TEAD1: variants seen among roughly 807,000 people sequenced by gnomAD.
TEAD1 encodes TEA domain transcription factor 1.
In TEAD1, 9 loss-of-function variants were observed where a neutral mutation model predicts 54.9. The ratio of observed to expected loss-of-function variants is 0.16; its 90% CI spans 0.10 to 0.29. The LOEUF (loss-of-function observed/expected upper bound fraction) is 0.29, where lower values mean the gene tolerates loss of function less well. TEAD1 is among the 10% of genes least tolerant of loss of function. The pLI, the probability that TEAD1 is intolerant of heterozygous loss-of-function variation, is 1.00. For synonymous variants in TEAD1, 200 were observed against 187.8 expected (o/e 1.07, Z -0.53); for missense variants, 387 against 535.9 (o/e 0.72, Z 2.74).
At chr11:12,873,601 G>A (rs1453661783) in intron 5 of TEAD1, among the ~76,000 whole-genome samples, 1 of 152,182 alleles carries the variant, frequency 6.6e-6, no homozygotes, top group Non-Finnish European at 1.5e-5. Flanking sequence ...GTCAGGAGAA[G>A]CATGAATGTG....
At chr11:12,886,664 AT>A (rs570808378) in intron 9 of TEAD1, among the ~76,000 whole-genome samples, 718 of 141,762 alleles carry the variant, frequency 5.1e-3, no homozygotes, top group Middle Eastern at 7.2e-3. Context: ...GTCACAACTG[AT>A]TTTTTTTTTT....
intron 9 of TEAD1, among the ~76,000 whole-genome samples, chr11:12,892,167 C>A (rs1312902403): frequency 3.3e-5 from 5 of 152,194 alleles, no homozygotes; most frequent in Non-Finnish European, 2.9e-5. Context: ...TTTTATACTT[C>A]TTTCAATGGC....
chr11:12,922,055 T>C (rs907404029), intron 10 of TEAD1, among the ~76,000 whole-genome samples: 1 of 152,156 alleles, frequency 6.6e-6, no homozygotes, highest in African/African-American at 2.4e-5. Flanking sequence ...TGGAAACCAG[T>C]AAAAGGAGCT....
intron 2 of TEAD1, among the ~76,000 whole-genome samples, chr11:12,700,409 C>G (rs1430937765): frequency 6.6e-6 from 1 of 152,198 alleles, no homozygotes; most frequent in Admixed American, 6.5e-5. Context: ...ATAGACTCTT[C>G]ATTCATTTTT....
intron 2 of TEAD1, among the ~76,000 whole-genome samples, chr11:12,758,692 G>A (rs539520726): frequency 1.1e-3 from 172 of 152,204 alleles, no homozygotes; most frequent in African/African-American, 4.1e-3. Flanking sequence ...GGGATTACAG[G>A]CGTGGGCCAC....
At chr11:12,874,779 A>G (rs1947821797) in intron 5 of TEAD1, among the ~76,000 whole-genome samples, 1 of 152,080 alleles carries the variant, frequency 6.6e-6, no homozygotes, top group African/African-American at 2.4e-5. Context: ...TTCCTGCTCC[A>G]TGAGTGTTTT....
rs78904087 is a variant in TEAD1, at chr11:12,806,468, T to C, written c.202+42034T>C. 1.8e-4 allele frequency among the ~76,000 whole-genome samples: 28 copies of C among 151,934 alleles called. No individual in the cohort carries two copies. In the East Asian group the frequency reaches 5.4e-3, roughly 29 times the overall value. ...AGTCTTGGGTCCTTGGTCGATGGTCTAAAAGGTGAGGGTGTTAGGTGAAGT... is the reference window on the plus strand; with the variant it reads ...AGTCTTGGGTCCTTGGTCGATGGTCCAAAAGGTGAGGGTGTTAGGTGAAGT... On this transcript the variant is annotated intron_variant, in intron 3 of 12. Transcript: ENST00000527636.
chr11:12,741,570 A>G (rs767911001), intron 2 of TEAD1, among the ~76,000 whole-genome samples: 1 of 152,178 alleles, frequency 6.6e-6, no homozygotes, highest in Admixed American at 6.5e-5. Context: ...CCTAGTGATC[A>G]TGCATATTTT....
chr11:12,730,173 G>A (rs572911003), intron 2 of TEAD1, among the ~76,000 whole-genome samples: 4 of 152,246 alleles, frequency 2.6e-5, no homozygotes, highest in East Asian at 1.9e-4. Flanking sequence ...CGTACCAGTC[G>A]CTGTTCAGGG....
intron 2 of TEAD1, among the ~76,000 whole-genome samples, chr11:12,731,089 T>C (rs558270795): frequency 6.6e-6 from 1 of 152,308 alleles, no homozygotes; most frequent in African/African-American, 2.4e-5. Flanking sequence ...ATTTCACTTA[T>C]ACACCATTCT....
rs193139378 is a variant in TEAD1 at position 12,769,811 on chromosome 11, G to A, written c.202+5377G>A. Among the ~76,000 whole-genome samples, 13 of 152,214 alleles carry A rather than the reference G, an allele frequency of 8.5e-5. No homozygotes were observed. The East Asian group carries it at 2.1e-3, about 25-fold the overall frequency. On this transcript the variant is annotated intron_variant, in intron 3 of 12. Transcript: ENST00000527636. ...GAACAGGCTAGAAGCTCCCAAAGCCGGGACCCCACCGATCACAGGATGTAT... is the reference window on the plus strand; with the variant it reads ...GAACAGGCTAGAAGCTCCCAAAGCCAGGACCCCACCGATCACAGGATGTAT...
intron 2 of TEAD1, among the ~76,000 whole-genome samples, chr11:12,686,734 A>G (rs115491565): frequency 1.1e-3 from 170 of 152,328 alleles, no homozygotes; most frequent in African/African-American, 4.0e-3. Flanking sequence ...GCCAGAGAAC[A>G]TTGAGTGGAA....
At chr11:12,865,862 G>C (rs949886625) in intron 5 of TEAD1, among the ~76,000 whole-genome samples, 2 of 152,156 alleles carry the variant, frequency 1.3e-5, no homozygotes, top group Non-Finnish European at 2.9e-5. Flanking sequence ...TTTCCCATGT[G>C]CCTTTTTCGG....
chr11:12,794,124 A>G (rs1026009093), intron 3 of TEAD1, among the ~76,000 whole-genome samples: 1 of 152,258 alleles, frequency 6.6e-6, no homozygotes, highest in Non-Finnish European at 1.5e-5. Flanking sequence ...CTTAGAGCCC[A>G]TAATTCAAAC....
intron 3 of TEAD1, chr11:12,849,580 C>G (rs6486066): frequency 6.6e-6 from 1 of 151,998 alleles, no homozygotes; most frequent in Non-Finnish European, 1.5e-5. Context: ...TGACTTAATG[C>G]TTGCATAACT....
intron 2 of TEAD1, among the ~76,000 whole-genome samples, chr11:12,727,860 T>G (rs1483896851): frequency 6.6e-6 from 1 of 152,194 alleles, no homozygotes; most frequent in Non-Finnish European, 1.5e-5. Context: ...CTTGTTTTGT[T>G]TAGTCTCCAA....
intron 4 of TEAD1, chr11:12,864,546 A>C: frequency 1.8e-6 from 1 of 548,282 alleles, no homozygotes. Context: ...CTTTGTTGAG[A>C]TGCAAATAAC....
At chr11:12,856,337 G>T (rs1947378656) in intron 3 of TEAD1, among the ~76,000 whole-genome samples, 1 of 152,064 alleles carries the variant, frequency 6.6e-6, no homozygotes, top group African/African-American at 2.4e-5. Flanking sequence ...GTGCTGAAAT[G>T]ATATCACATA....
intron 3 of TEAD1, among the ~76,000 whole-genome samples, chr11:12,850,420 G>A (rs907886199): frequency 6.6e-6 from 1 of 152,186 alleles, no homozygotes; most frequent in African/African-American, 2.4e-5. Flanking sequence ...TGGGCAACAG[G>A]AGTGAAACTC....
Sources: gnomAD v4.1 joint callset for allele counts (sites outside exome capture counted in the v4.1 genomes callset) on GRCh38, gnomAD v4.1.1 for gene constraint, MANE v1.5 for transcripts, NCBI Gene and HGNC (gene_info 2026-07-23, HGNC 2026-07-21) for gene names.